Variants in TBC1D5 observed in about 807,000 individuals in gnomAD.
TBC1D5 encodes the protein TBC1 domain family member 5.
In TBC1D5, 75 loss-of-function variants were observed where a neutral mutation model predicts 100.3. The ratio of observed to expected loss-of-function variants is 0.75; its 90% CI spans 0.62 to 0.91. The LOEUF is 0.91. TBC1D5 is among the 40% of genes least tolerant of loss of function. The pLI is 0.00. For synonymous variants in TBC1D5, 323 were observed against 325.6 expected, an observed-to-expected ratio of 0.99 and a Z score of 0.09; for missense variants, 910 against 942.4, an observed-to-expected ratio of 0.97 and a Z score of 0.45.
At chr3:17,267,728 T>C (rs1559519574) in intron 15 of TBC1D5, among the ~76,000 whole-genome samples, 1 of 152,166 alleles carries the variant, frequency 6.6e-6, no homozygotes, top group Non-Finnish European at 1.5e-5. Flanking sequence ...CTTTTTCCTG[T>C]CTTCTTCTCT....
chr3:17,400,477 T>G (rs975514137), intron 8 of TBC1D5, among the ~76,000 whole-genome samples: 1 of 152,096 alleles, frequency 6.6e-6, no homozygotes, highest in South Asian at 2.1e-4. Flanking sequence ...AAAATTTATA[T>G]AGAAATGACA....
chr3:17,288,645 A>C (rs924911426), intron 15 of TBC1D5, among the ~76,000 whole-genome samples: 4 of 152,196 alleles, frequency 2.6e-5, no homozygotes, highest in Admixed American at 2.6e-4. Flanking sequence ...CTCCGGACCT[A>C]GCCACATGGA....
chr3:17,458,884 G>T (rs1447626557), intron 3 of TBC1D5, among the ~76,000 whole-genome samples: 1 of 152,080 alleles, frequency 6.6e-6, no homozygotes, highest in Non-Finnish European at 1.5e-5. Flanking sequence ...TTCAACAATT[G>T]TACAGCTAAA....
chr3:17,632,458 A>C (rs1349007676), intron 1 of TBC1D5, among the ~76,000 whole-genome samples: 3 of 152,254 alleles, frequency 2.0e-5, no homozygotes, highest in African/African-American at 7.2e-5. Context: ...AAGCAGTAGC[A>C]GAGTTTGAGA....
intron 15 of TBC1D5, 130 bp downstream of exon 15, chr3:17,291,765 G>T: frequency 1.2e-6 from 1 of 801,560 alleles, no homozygotes; most frequent in Non-Finnish European, 1.9e-6. Context: ...TACAACTTTA[G>T]GCAAATGCTA....
At chr3:17,687,875 A>G (rs2070540244) in intron 1 of TBC1D5, among the ~76,000 whole-genome samples, 1 of 152,210 alleles carries the variant, frequency 6.6e-6, no homozygotes, top group Admixed American at 6.5e-5. Flanking sequence ...CAGCTATAAA[A>G]CTGGGATTCT....
chr3:17,370,111 C>A (rs1333114205), intron 13 of TBC1D5, among the ~76,000 whole-genome samples: 1 of 152,012 alleles, frequency 6.6e-6, no homozygotes. Context: ...GAAACTAACC[C>A]CTGAAACTAA....
chr3:17,246,840 A>G (rs2076777686), intron 16 of TBC1D5, among the ~76,000 whole-genome samples: 1 of 152,222 alleles, frequency 6.6e-6, no homozygotes, highest in Non-Finnish European at 1.5e-5. Context: ...TTAACTCAGC[A>G]TACCTGTGCT....
intron 13 of TBC1D5, among the ~76,000 whole-genome samples, chr3:17,369,394 CT>C (rs1047518449): frequency 2.0e-5 from 3 of 151,938 alleles, no homozygotes; most frequent in African/African-American, 4.8e-5. Context: ...CTGAGTACTA[CT>C]TTTTTTTGTA....
At chr3:17,214,233 T>G (rs1359442796) in exon 18 of TBC1D5, 5 of 1,612,834 alleles carry the variant, frequency 3.1e-6, no homozygotes, top group Non-Finnish European at 4.2e-6. Flanking sequence ...ATAGTTTTGC[T>G]GTGTGAGCGA....
At chr3:17,318,201 G>A (rs1049329691) in intron 13 of TBC1D5, among the ~76,000 whole-genome samples, 1 of 138,482 alleles carries the variant, frequency 7.2e-6, no homozygotes, top group Admixed American at 7.8e-5. Flanking sequence ...CACAGGAAGG[G>A]GAACATCACA....
Position 17,277,155 on chromosome 3 carries a change from C to T in TBC1D5, c.1245+14740G>A, listed in dbSNP as rs187741141. Among the ~76,000 whole-genome samples, 390 of 152,318 alleles carry T rather than the reference C, an allele frequency of 2.6e-3. 2 individuals carry two copies. The highest frequency in any genetic ancestry group is 4.1e-3 in the Non-Finnish European group (281 of 68,020). On this transcript the variant is annotated intron_variant, in intron 15 of 21. Transcript: ENST00000253692. The stretch of plus-strand genomic sequence containing the variant: ...TAAAGGAAACGATCATTATAGTAGA[C>T]ATACATATTTTATTCTCAAGAAGAA...
At chr3:17,278,412 C>T (rs2080242674) in intron 15 of TBC1D5, among the ~76,000 whole-genome samples, 1 of 152,164 alleles carries the variant, frequency 6.6e-6, no homozygotes, top group Non-Finnish European at 1.5e-5. Context: ...ATTTACAAAT[C>T]ATATGCATCC....
chr3:17,629,066 A>C (rs1209240243), intron 1 of TBC1D5, among the ~76,000 whole-genome samples: 3 of 152,252 alleles, frequency 2.0e-5, no homozygotes, highest in African/African-American at 7.2e-5. Context: ...TATTAAGGAC[A>C]CAAGTGTGTA....
At chr3:17,543,944 T>C (rs2096386669) in intron 2 of TBC1D5, among the ~76,000 whole-genome samples, 1 of 151,682 alleles carries the variant, frequency 6.6e-6, no homozygotes, top group Admixed American at 6.6e-5. Context: ...CTCGGCTCAC[T>C]GCAACCTCCA....
At chr3:17,673,225 T>C (rs1265092516) in intron 1 of TBC1D5, among the ~76,000 whole-genome samples, 1 of 152,070 alleles carries the variant, frequency 6.6e-6, no homozygotes, top group Non-Finnish European at 1.5e-5. Flanking sequence ...GGAAAGACTT[T>C]AAAAATACAT....
intron 13 of TBC1D5, among the ~76,000 whole-genome samples, chr3:17,327,613 TTTACTCAAATG>T (rs2086309717): frequency 6.6e-6 from 1 of 152,268 alleles, no homozygotes; most frequent in African/African-American, 2.4e-5. Context: ...ATTTCAGGTC[TTTACTCAAATG>T]TTACCAGCTC....
intron 1 of TBC1D5, among the ~76,000 whole-genome samples, chr3:17,714,026 G>A (rs76483196): frequency 0.05 from 7,613 of 152,158 alleles, 604 homozygotes; most frequent in African/African-American, 0.17. Context: ...TCATGCCCTA[G>A]CCCCATCTCT....
At chr3:17,528,160 A>G (rs1314196742) in intron 2 of TBC1D5, among the ~76,000 whole-genome samples, 5 of 152,122 alleles carry the variant, frequency 3.3e-5, no homozygotes, top group Non-Finnish European at 7.4e-5. Flanking sequence ...ACAGAGCTCA[A>G]GCGATCCGCC....
Sources: gnomAD v4.1 joint callset for allele counts (sites outside exome capture counted in the v4.1 genomes callset) on GRCh38, gnomAD v4.1.1 for gene constraint, MANE v1.5 for transcripts, NCBI Gene and HGNC (gene_info 2026-07-23, HGNC 2026-07-21) for gene names.